The following STIM1 variants were observed in gnomAD, a reference collection of about 807,000 sequenced individuals.
The protein encoded by STIM1 is stromal interaction molecule 1.
In STIM1, 25 loss-of-function variants were observed where a neutral mutation model predicts 74.7. The ratio of observed to expected loss-of-function variants is 0.33; its 90% confidence interval spans 0.24 to 0.47. The LOEUF is 0.47. Among genes scored for constraint, STIM1 ranks in the 20% least tolerant of loss-of-function variants. The pLI is 1.00. For missense variants in STIM1, 728 were observed against 920.8 expected, an observed-to-expected ratio of 0.79 and a Z score of 2.71; for synonymous variants, 328 against 348.8, an observed-to-expected ratio of 0.94 and a Z score of 0.66.
intron 2 of STIM1, among the ~76,000 whole-genome samples, chr11:4,004,895 AAAC>A (rs1367666498): frequency 2.0e-5 from 3 of 152,212 alleles, no homozygotes; most frequent in African/African-American, 7.2e-5. Context: ...TACAAGAAAA[AAAC>A]AGCCCCATCA....
chr11:4,058,989 C>G (rs1050094938), intron 4 of STIM1: 10 of 1,165,096 alleles, frequency 8.6e-6, no homozygotes, highest in Non-Finnish European at 1.1e-5. Context: ...AGGAGAAGCA[C>G]AACAGAAAAT....
At chr11:3,919,060 G>C (rs1186113621) in intron 1 of STIM1, among the ~76,000 whole-genome samples, 1 of 152,158 alleles carries the variant, frequency 6.6e-6, no homozygotes, top group Non-Finnish European at 1.5e-5. Flanking sequence ...CTTGAGGTGG[G>C]ATAGTGCTTG....
upstream of STIM1, chr11:3,855,181 C>G (rs1393061400): frequency 6.6e-6 from 1 of 152,438 alleles, no homozygotes; most frequent in African/African-American, 2.4e-5. Flanking sequence ...GCTGGGAGCT[C>G]GCCCCCGGGC....
rs558697669 is a variant in STIM1 at position 3,959,246 on chromosome 11, TA to T, written c.140-8302del. ...TTCTTACTGATGGGGCCCCTGCTGGTAAAACTTGGCAATTTCCAATTCGTCC... is the reference window on the plus strand; with the variant it reads ...TTCTTACTGATGGGGCCCCTGCTGGTAAACTTGGCAATTTCCAATTCGTCC... On this transcript the variant is annotated intron_variant, in intron 1 of 12. Coordinates refer to ENST00000526596, the MANE Select transcript of STIM1 (RefSeq NM_001382567.1). 2.6e-5 allele frequency among the ~76,000 whole-genome samples: 4 copies of T among 152,282 alleles called. No individual in the cohort carries two copies. The South Asian group carries it at 8.3e-4, about 32-fold the overall frequency.
chr11:4,055,459 G>T (rs1363536286), intron 3 of STIM1, 67 bp from the exon 4 acceptor site: 2 of 1,224,936 alleles, frequency 1.6e-6, no homozygotes, highest in African/African-American at 3.0e-5. Flanking sequence ...ATTAAGGTCA[G>T]CATGACAACA....
chr11:3,894,548 C>T (rs1377465476), intron 1 of STIM1, among the ~76,000 whole-genome samples: 2 of 152,132 alleles, frequency 1.3e-5, no homozygotes, highest in East Asian at 1.9e-4. Flanking sequence ...TTCCTTACCC[C>T]TTATTCCATA....
intron 3 of STIM1, among the ~76,000 whole-genome samples, chr11:4,034,278 T>C (rs978703760): frequency 6.7e-6 from 1 of 148,808 alleles, no homozygotes; most frequent in Non-Finnish European, 1.5e-5. Context: ...ATATATATAA[T>C]GTTGGCTGTG....
intron 2 of STIM1, among the ~76,000 whole-genome samples, chr11:4,008,007 A>G (rs2093799871): frequency 6.6e-6 from 1 of 152,116 alleles, no homozygotes. Flanking sequence ...TGTATAACAT[A>G]TATATATTCA....
intron 2 of STIM1, among the ~76,000 whole-genome samples, chr11:3,996,055 C>T (rs1056670160): frequency 2.6e-4 from 40 of 152,298 alleles, no homozygotes; most frequent in African/African-American, 7.7e-4. Flanking sequence ...ACCACAACTT[C>T]TACTCTTTTG....
intron 7 of STIM1, among the ~76,000 whole-genome samples, chr11:4,079,675 T>C (rs1399688218): frequency 2.0e-5 from 3 of 152,242 alleles, no homozygotes; most frequent in Non-Finnish European, 4.4e-5. Flanking sequence ...AAAACACAAT[T>C]TTCATAAAAT....
intron 5 of STIM1, among the ~76,000 whole-genome samples, chr11:4,061,859 T>C (rs1412781134): frequency 6.6e-6 from 1 of 152,174 alleles, no homozygotes; most frequent in Non-Finnish European, 1.5e-5. Context: ...GAAAACATTA[T>C]GCTAAATGAA....
intron 1 of STIM1, among the ~76,000 whole-genome samples, chr11:3,934,492 CA>C (rs1419954107): frequency 6.6e-6 from 1 of 152,186 alleles, no homozygotes; most frequent in Non-Finnish European, 1.5e-5. Context: ...TAGTCTTATT[CA>C]CTTAGCTGTC....
At chr11:3,934,203 A>C (rs2092906241) in intron 1 of STIM1, among the ~76,000 whole-genome samples, 1 of 149,202 alleles carries the variant, frequency 6.7e-6, no homozygotes, top group African/African-American at 2.5e-5. Flanking sequence ...TTGTGTCTTC[A>C]ATAGCTTTTC....
chr11:3,888,834 T>C (rs1347427289), intron 1 of STIM1, among the ~76,000 whole-genome samples: 1 of 152,024 alleles, frequency 6.6e-6, no homozygotes, highest in African/African-American at 2.4e-5. Flanking sequence ...TTACAGGTGT[T>C]AGCCACCATG....
intron 2 of STIM1, among the ~76,000 whole-genome samples, chr11:3,986,184 A>G (rs764759577): frequency 6.6e-6 from 1 of 152,208 alleles, no homozygotes; most frequent in Non-Finnish European, 1.5e-5. Context: ...TTCAATCCCC[A>G]TAGATATTGT....
chr11:3,952,391 T>C (rs977945372), intron 1 of STIM1, among the ~76,000 whole-genome samples: 9 of 152,034 alleles, frequency 5.9e-5, no homozygotes, highest in African/African-American at 2.2e-4. Context: ...TGAGACCCTG[T>C]CTCATAAATA....
chr11:3,915,043 T>C (rs1489701875), intron 1 of STIM1, among the ~76,000 whole-genome samples: 1 of 152,238 alleles, frequency 6.6e-6, no homozygotes, highest in East Asian at 1.9e-4. Context: ...CATGTGCTTA[T>C]TGGCCATTTG....
rs558136768 is a variant in STIM1 at position 3,908,184 on chromosome 11, G to A, written c.139+51775G>A. The stretch of plus-strand genomic sequence containing the variant: ...TATAGCATATACTTAGTAAATATTT[G>A]TTGACTGAATGAACAAATGATTGAA... On this transcript the variant is annotated intron_variant, in intron 1 of 12. Transcript: ENST00000526596. Among the ~76,000 whole-genome samples the A allele has an allele frequency of 2.8e-4, 43 of 152,280 alleles. No individual in the cohort carries two copies. In the South Asian group the frequency reaches 8.7e-3, roughly 31 times the overall value.
intron 5 of STIM1, among the ~76,000 whole-genome samples, chr11:4,060,968 C>T (rs1235911390): frequency 1.3e-5 from 2 of 152,132 alleles, no homozygotes; most frequent in African/African-American, 2.4e-5. Flanking sequence ...GCTTACACAT[C>T]TCTTTGTATA....
Sources: allele counts gnomAD v4.1 joint callset (sites outside exome capture counted in the v4.1 genomes callset), GRCh38; gene constraint gnomAD v4.1.1; transcripts MANE v1.5; gene names NCBI Gene and HGNC (gene_info 2026-07-23, HGNC 2026-07-21).